GFRAL: variants seen among roughly 807,000 people sequenced by gnomAD.
GFRAL encodes the protein GDNF family receptor alpha-like.
Under a neutral mutation model 45.4 loss-of-function variants are expected in GFRAL, and 36 were observed. That is an observed-to-expected ratio of 0.79 (90% CI 0.61 to 1.05). The LOEUF is 1.05. Ranked by LOEUF, GFRAL falls within the 50% of genes least tolerant of loss-of-function variation. GFRAL has a pLI of 0.00. For synonymous variants in GFRAL, 166 were observed against 154.1 expected (o/e 1.08, Z -0.57); for missense variants, 507 against 467.5 (o/e 1.08, Z -0.78).
intron 5 of GFRAL, among the ~76,000 whole-genome samples, chr6:55,352,853 A>T (rs994762798): frequency 3.3e-5 from 5 of 152,050 alleles, no homozygotes; most frequent in African/African-American, 9.7e-5. Flanking sequence ...TTCAAAAAAA[A>T]TTTATCAAGC....
chr6:55,381,991 C>T (rs1033731565), intron 6 of GFRAL, among the ~76,000 whole-genome samples: 1 of 151,804 alleles, frequency 6.6e-6, no homozygotes, highest in African/African-American at 2.4e-5. Flanking sequence ...TAGCCAAAAC[C>T]ACTGACTTTT....
intron 3 of GFRAL, among the ~76,000 whole-genome samples, chr6:55,338,739 G>A (rs1056060421): frequency 3.9e-5 from 6 of 152,122 alleles, no homozygotes; most frequent in African/African-American, 1.4e-4. Context: ...AGAATGAAGT[G>A]GGGAGCATTT....
intron 6 of GFRAL, among the ~76,000 whole-genome samples, chr6:55,398,908 A>C (rs1441840210): frequency 6.6e-6 from 1 of 152,150 alleles, no homozygotes; most frequent in African/African-American, 2.4e-5. Context: ...GTCTGTATAT[A>C]AGATACAATG....
intron 6 of GFRAL, among the ~76,000 whole-genome samples, chr6:55,373,434 G>A (rs867539833): frequency 6.6e-6 from 1 of 152,130 alleles, no homozygotes; most frequent in Non-Finnish European, 1.5e-5. Flanking sequence ...AAGCAGACTG[G>A]TGGCTCCTTT....
intron 5 of GFRAL, among the ~76,000 whole-genome samples, chr6:55,353,190 GACA>G (rs1417091022): frequency 2.6e-5 from 4 of 152,018 alleles, no homozygotes; most frequent in African/African-American, 9.7e-5. Context: ...TAGGGCTTCG[GACA>G]TGTAGGTGGC....
intron 6 of GFRAL, among the ~76,000 whole-genome samples, chr6:55,384,576 T>C (rs1405678620): frequency 6.6e-6 from 1 of 152,014 alleles, no homozygotes; most frequent in Non-Finnish European, 1.5e-5. Context: ...AAGCACACTG[T>C]GTTTAGAAAG....
chr6:55,370,721 C>A (rs1244184685), intron 6 of GFRAL, among the ~76,000 whole-genome samples: 1 of 152,162 alleles, frequency 6.6e-6, no homozygotes, highest in Non-Finnish European at 1.5e-5. Context: ...ACAGTAGGAC[C>A]AGCTTCATGG....
chr6:55,334,994 C>A (rs1225135033), intron 3 of GFRAL, among the ~76,000 whole-genome samples: 1 of 152,058 alleles, frequency 6.6e-6, no homozygotes, highest in Non-Finnish European at 1.5e-5. Context: ...TATAAATATT[C>A]ACATACAAGA....
At chr6:55,366,352 T>C (rs1768363339) in intron 6 of GFRAL, among the ~76,000 whole-genome samples, 2 of 151,354 alleles carry the variant, frequency 1.3e-5, no homozygotes, top group African/African-American at 4.9e-5. Context: ...TTAGTCTTGC[T>C]AGTGGTCTAT....
In GFRAL at chr6:55,359,138, A is replaced by G. The variant is rs1768238432; in HGVS notation, c.952A>G (p.Asn318Asp). 1.3e-6 allele frequency: 2 copies of G among 1,599,420 alleles called. No homozygotes were observed. The highest frequency in any genetic ancestry group is 1.7e-6 in the Non-Finnish European group (2 of 1,172,654). The change falls in exon 6 of 9, where the codon AAT becomes GAT. Residue 318 changes from asparagine (N) to aspartate (D), a missense_variant and splice_region_variant. Asn to Asp is a conservative substitution (Grantham distance 23). Coordinates refer to ENST00000340465, the MANE Select transcript of GFRAL (RefSeq NM_207410.2). Reference sequence around the variant, plus strand: ...CATGCTTCATAGAAAATCATGTTTCAGTAAGTTCCCCAAATAAAATTATCT... The same window carrying G: ...CATGCTTCATAGAAAATCATGTTTCGGTAAGTTCCCCAAATAAAATTATCT... ...QHMLHRKSCF[N>D]YPTLSNVKGM...
chr6:55,382,714 T>C (rs1389329203), intron 6 of GFRAL, among the ~76,000 whole-genome samples: 1 of 151,870 alleles, frequency 6.6e-6, no homozygotes, highest in African/African-American at 2.4e-5. Flanking sequence ...CACCAATGTG[T>C]CTGGGTTCAA....
At chr6:55,378,903 T>A (rs565017798) in intron 6 of GFRAL, among the ~76,000 whole-genome samples, 1 of 152,074 alleles carries the variant, frequency 6.6e-6, no homozygotes, top group African/African-American at 2.4e-5. Context: ...ATATACTGGG[T>A]TCGTCTTTCT....
intron 6 of GFRAL, among the ~76,000 whole-genome samples, chr6:55,388,955 C>T (rs1381168217): frequency 6.6e-6 from 1 of 152,162 alleles, no homozygotes. Context: ...TTCATTTCCA[C>T]TAGCCCATTA....
intron 6 of GFRAL, among the ~76,000 whole-genome samples, chr6:55,364,209 T>C (rs1283846054): frequency 6.6e-6 from 1 of 151,448 alleles, no homozygotes. Flanking sequence ...CATTTTTTCA[T>C]GTGTTTTTTG....
intron 6 of GFRAL, among the ~76,000 whole-genome samples, chr6:55,392,500 C>T (rs766843599): frequency 3.3e-5 from 5 of 152,188 alleles, no homozygotes; most frequent in African/African-American, 7.2e-5. Context: ...CCTGAATAGA[C>T]AGCAGATTCT....
chr6:55,378,768 T>C (rs1244787684), intron 6 of GFRAL, among the ~76,000 whole-genome samples: 2 of 151,952 alleles, frequency 1.3e-5, no homozygotes, highest in Non-Finnish European at 2.9e-5. Flanking sequence ...TGTCTTTCCA[T>C]ACAAAGTGAA....
At chr6:55,364,585 G>A (rs1349994117) in intron 6 of GFRAL, among the ~76,000 whole-genome samples, 1 of 147,190 alleles carries the variant, frequency 6.8e-6, no homozygotes, top group African/African-American at 2.6e-5. Flanking sequence ...TAACGTTTAA[G>A]TCTTTAATCC....
chr6:55,397,315 G>T (rs1036003556), intron 6 of GFRAL, among the ~76,000 whole-genome samples: 16 of 149,664 alleles, frequency 1.1e-4, no homozygotes, highest in Admixed American at 2.0e-4. Flanking sequence ...TCAGGAGATC[G>T]AGACCATCCT....
intron 6 of GFRAL, among the ~76,000 whole-genome samples, chr6:55,387,655 A>G (rs2127364686): frequency 6.6e-6 from 1 of 152,300 alleles, no homozygotes; most frequent in South Asian, 2.1e-4. Context: ...AGCAATGAGT[A>G]GACATTTGTG....
Sources: gnomAD v4.1 joint callset for allele counts (sites outside exome capture counted in the v4.1 genomes callset) on GRCh38, gnomAD v4.1.1 for gene constraint, MANE v1.5 for transcripts, NCBI Gene and HGNC (gene_info 2026-07-23, HGNC 2026-07-21) for gene names.